P2RY14: variants seen among roughly 807,000 people sequenced by gnomAD.
P2RY14 encodes purinergic receptor P2Y14, also known as P2Y purinoceptor 14.
A neutral mutation model predicts 0.9 loss-of-function variants in P2RY14; 2 were observed. That is an observed-to-expected ratio of 2.16 (90% CI 0.88 to 6.79). The LOEUF is 6.79. Among genes scored for constraint, P2RY14 ranks in the 30% most tolerant of loss-of-function variants. P2RY14 has a pLI of 0.05. For missense variants in P2RY14, 378 were observed against 400.1 expected (o/e 0.94, Z 0.47); for synonymous variants, 158 against 147.2 (o/e 1.07, Z -0.53).
At position 151,247,962 on chromosome 3, in the gene P2RY14, C is replaced by CTTTTTTTTTTT. The variant is rs61102632; in HGVS notation, c.-132-28331_-132-28321dup. 2.0e-3 allele frequency among the ~76,000 whole-genome samples: 152 copies of CTTTTTTTTTTT among 75,884 alleles called. 1 individual carries two copies. Among genetic ancestry groups the CTTTTTTTTTTT allele is most frequent in the Non-Finnish European group, 2.5e-3 (103 of 40,690 alleles). 49.8% of individuals were successfully genotyped at this position (75,884 alleles called of 152,430 possible). A position where few individuals can be genotyped will look rare whatever the true frequency, so the allele number is the denominator to read the frequency against. ...GTTTACTTTCTTTCTTCTTCTTCTT[C>CTTTTTTTTTTT]TTTTTTTTTTTTTTTTTTTTTTTGC... is the stretch of plus-strand genomic sequence containing the variant. On this transcript the variant is annotated intron_variant, in intron 1 of 2. Coordinates refer to ENST00000309170, the MANE Select transcript of P2RY14 (RefSeq NM_014879.4).
intron 1 of P2RY14, among the ~76,000 whole-genome samples, chr3:151,223,119 C>T (rs976336509): frequency 3.4e-5 from 5 of 145,470 alleles, no homozygotes; most frequent in Non-Finnish European, 7.4e-5. Context: ...GGAACATGTG[C>T]TGGTTGTAAA....
chr3:151,248,855 TCTTA>T (rs758365407), intron 1 of P2RY14: 5 of 152,172 alleles, frequency 3.3e-5, no homozygotes, highest in Non-Finnish European at 7.3e-5. Flanking sequence ...GATGGAATTT[TCTTA>T]CTTACCAATT....
chr3:151,237,350 CTTT>C (rs57239604), intron 1 of P2RY14, among the ~76,000 whole-genome samples: 1 of 94,600 alleles, frequency 1.1e-5, no homozygotes, highest in African/African-American at 4.1e-5. Context: ...TTTTTTTTTT[CTTT>C]TTTTTTTTTT....
At chr3:151,247,217 G>T (rs1442686075) in intron 1 of P2RY14, among the ~76,000 whole-genome samples, 1 of 152,002 alleles carries the variant, frequency 6.6e-6, no homozygotes, top group Non-Finnish European at 1.5e-5. Context: ...ATTCCTCAGG[G>T]ATCTAGAACT....
chr3:151,236,801 G>A (rs182310932), intron 1 of P2RY14, among the ~76,000 whole-genome samples: 78 of 152,170 alleles, frequency 5.1e-4, no homozygotes, highest in Admixed American at 2.6e-4. Context: ...ATGTTATTAA[G>A]TATTGCTATA....
intron 1 of P2RY14, among the ~76,000 whole-genome samples, chr3:151,234,053 T>C (rs59257241): frequency 0.016 from 2,446 of 152,334 alleles, 61 homozygotes; most frequent in African/African-American, 0.057. Context: ...ATTCACTCAC[T>C]CTGTAGCTGA....
At chr3:151,245,879 T>G (rs1419831132) in intron 1 of P2RY14, among the ~76,000 whole-genome samples, 1 of 151,716 alleles carries the variant, frequency 6.6e-6, no homozygotes, top group African/African-American at 2.4e-5. Context: ...CCCCATCGTT[T>G]CAGCCCAAAA....
chr3:151,240,000 G>A (rs147000588), intron 1 of P2RY14, among the ~76,000 whole-genome samples: 5 of 151,042 alleles, frequency 3.3e-5, no homozygotes, highest in South Asian at 2.1e-4. Context: ...CCAGATGTGT[G>A]AATCAAACAG....
intron 1 of P2RY14, among the ~76,000 whole-genome samples, chr3:151,229,300 C>T: frequency 6.9e-6 from 1 of 144,148 alleles, no homozygotes; most frequent in East Asian, 2.0e-4. Flanking sequence ...ATAAATTCAG[C>T]AATTCTTTTT....
chr3:151,229,947 A>G (rs1339121044), intron 1 of P2RY14, among the ~76,000 whole-genome samples: 1 of 152,008 alleles, frequency 6.6e-6, no homozygotes, highest in African/African-American at 2.4e-5. Context: ...TCCTAGGCTC[A>G]CATGTTGGGA....
intron 1 of P2RY14, among the ~76,000 whole-genome samples, chr3:151,225,306 C>T (rs1730268259): frequency 6.6e-6 from 1 of 152,172 alleles, no homozygotes; most frequent in South Asian, 2.1e-4. Flanking sequence ...GCTGCTATAA[C>T]AATACTACGT....
rs767267924 is a variant in P2RY14 at position 151,278,268 on chromosome 3, G to A, written c.-133+19C>T. The stretch of plus-strand genomic sequence containing the variant: ...TTCACATACATGCAAGTCATTTCAT[G>A]GAAAAGCTGTTTTCTTACCTGCGTC... On this transcript the variant is annotated intron_variant, in intron 1 of 2. Coordinates refer to ENST00000309170, the MANE Select transcript of P2RY14 (RefSeq NM_014879.4). 6.6e-6 allele frequency: 1 copy of A among 152,178 alleles called. No homozygotes were observed. The highest frequency in any genetic ancestry group is 1.5e-5 in the Non-Finnish European group (1 of 68,024). The allele number at this position is 152,178 out of a possible 1,614,324, so 9.4% of individuals were successfully genotyped here.
In P2RY14 at chr3:151,273,570, T is replaced by C. The variant is rs558604736; in HGVS notation, c.-133+4717A>G. ...TGTGTTCTTATGCCAATTACTGTTC[T>C]GGGTAATTTATGTATATAACTCATT... On this transcript the variant is annotated intron_variant, in intron 1 of 2. Transcript: ENST00000309170. Among the ~76,000 whole-genome samples the C allele has an allele frequency of 6.2e-4, 94 of 152,192 alleles. 1 individual carries two copies. Among genetic ancestry groups the C allele is most frequent in the African/African-American group, 2.2e-3 (92 of 41,524 alleles).
At chr3:151,274,077 G>A (rs1043666219) in intron 1 of P2RY14, among the ~76,000 whole-genome samples, 1 of 152,130 alleles carries the variant, frequency 6.6e-6, no homozygotes, top group Non-Finnish European at 1.5e-5. Flanking sequence ...TGCTAAAGTC[G>A]TGGCTCATGA....
intron 2 of P2RY14, among the ~76,000 whole-genome samples, chr3:151,214,824 T>C (rs1727880236): frequency 6.6e-6 from 1 of 152,224 alleles, no homozygotes; most frequent in Non-Finnish European, 1.5e-5. Context: ...AGGTAGTAAC[T>C]GTAAAAGCAG....
At position 151,214,296 on chromosome 3, in the gene P2RY14, T is replaced by TG. The variant is rs1727752498; in HGVS notation, c.20dup (p.Gln8ThrfsTer5). ...GAGAGCAGGATTCATCTGGAGGCTG[T>TG]GTGGAGGTTGAATTGATCATCTTGT... On this transcript the variant is annotated frameshift_variant, in exon 3 of 3. Coordinates refer to ENST00000309170, the MANE Select transcript of P2RY14 (RefSeq NM_014879.4). LOFTEE classifies it low-confidence loss of function (END_TRUNC). 1 of 1,613,276 alleles carries TG rather than the reference T, an allele frequency of 6.2e-7. No individual in the cohort carries two copies. The highest frequency in any genetic ancestry group is 8.5e-7 in the Non-Finnish European group (1 of 1,179,670).
chr3:151,263,384 A>G (rs1281775904), intron 1 of P2RY14, among the ~76,000 whole-genome samples: 1 of 152,230 alleles, frequency 6.6e-6, no homozygotes, highest in Admixed American at 6.5e-5. Flanking sequence ...CCAGAAGGAA[A>G]TGTACAAATG....
At chr3:151,255,481 G>A (rs888499092) in intron 1 of P2RY14, among the ~76,000 whole-genome samples, 8 of 152,064 alleles carry the variant, frequency 5.3e-5, no homozygotes, top group African/African-American at 1.9e-4. Context: ...CAGGCGGTTT[G>A]GGTATAAATG....
Position 151,269,397 on chromosome 3 carries a change from TCACACACACACACACACACA to T in P2RY14, c.-133+8870_-133+8889del, listed in dbSNP as rs71801434. 209 of 144,836 alleles carry T rather than the reference TCACACACACACACACACACA, an allele frequency of 1.4e-3. 1 individual carries two copies. The highest frequency in any genetic ancestry group is 5.2e-3 in the African/African-American group (179 of 34,154). The allele number at this position is 144,836 out of a possible 1,614,324, so 9.0% of individuals were successfully genotyped here. A position where few individuals can be genotyped will look rare whatever the true frequency, so the allele number is the denominator to read the frequency against. ...CCTGGGCAACAAGAGTGAAACTCCA[TCACACACACACACACACACA>T]CACACACACACACACACACACACAA... On this transcript the variant is annotated intron_variant, in intron 1 of 2. Coordinates refer to ENST00000309170, the MANE Select transcript of P2RY14 (RefSeq NM_014879.4).
Sources: gnomAD v4.1 joint callset for allele counts (sites outside exome capture counted in the v4.1 genomes callset) on GRCh38, gnomAD v4.1.1 for gene constraint, MANE v1.5 for transcripts, NCBI Gene and HGNC (gene_info 2026-07-23, HGNC 2026-07-21) for gene names.